JAG2: variants seen among roughly 807,000 people sequenced by gnomAD.
The protein encoded by JAG2 is protein jagged-2.
JAG2 carries 46 observed loss-of-function variants against 141.7 expected under a neutral mutation model. The ratio of observed to expected loss-of-function variants is 0.32; its 90% CI spans 0.26 to 0.42. JAG2 has a LOEUF of 0.42. Ranked by LOEUF, JAG2 falls within the 10% of genes least tolerant of loss-of-function variation. The probability of loss-of-function intolerance (pLI) is 1.00; values close to 1 mark genes in which losing one functional copy is unlikely to be tolerated. For synonymous variants in JAG2, 862 were observed against 763.5 expected (o/e 1.13, Z -2.13); for missense variants, 1,500 against 1,817.5 (o/e 0.83, Z 3.18).
At chr14:105,143,371 G>A (rs1322708648) in intron 25 of JAG2, 111 bp downstream of exon 25, 2 of 1,379,600 alleles carry the variant, frequency 1.4e-6, no homozygotes, top group Non-Finnish European at 2.0e-6. Flanking sequence ...CAGGTGCCAG[G>A]GACTTCTGTG....
At chr14:105,144,909 T>C (rs1415401500) in intron 24 of JAG2, 21 bp downstream of exon 24, 2 of 1,595,908 alleles carry the variant, frequency 1.3e-6, no homozygotes, top group African/African-American at 2.7e-5. Context: ...ACCCAGGTGC[T>C]GCTCCCCACT....
rs918759122 is a variant in JAG2 at position 105,154,798 on chromosome 14, C to T, written c.788+764G>A. Among the ~76,000 whole-genome samples, 3 of 152,214 alleles carry T rather than the reference C, an allele frequency of 2.0e-5. No individual in the cohort carries two copies. The South Asian group carries it at 6.2e-4, about 32-fold the overall frequency. ...GCATCGCCTCTCCACATCCAGCTAA[C>T]CCCGGCCCCGCCTGCTCCTCTGTGG... On this transcript the variant is annotated intron_variant, in intron 5 of 25. Coordinates refer to ENST00000331782, the MANE Select transcript of JAG2 (RefSeq NM_002226.5). This position sits in a 1 kb window ranked among gnomAD's most constrained non-coding sequence, Gnocchi z 4.4.
At chr14:105,158,986 G>A (rs901611899) in intron 2 of JAG2, among the ~76,000 whole-genome samples, 2 of 151,474 alleles carry the variant, frequency 1.3e-5, no homozygotes, top group South Asian at 2.1e-4. Flanking sequence ...CCCACCCCAC[G>A]CACGTCCCAG....
chr14:105,149,637 C>T (rs1888350036), intron 12 of JAG2, among the ~76,000 whole-genome samples: 5 of 151,330 alleles, frequency 3.3e-5, no homozygotes, highest in Admixed American at 3.3e-4. Context: ...ACTGCCTGGC[C>T]ACCCTCAGAG....
Position 105,144,915 on chromosome 14 carries a change from C to T in JAG2, c.3084+15G>A, listed in dbSNP as rs772398669. 8.8e-6 allele frequency: 14 copies of T among 1,597,148 alleles called. No individual in the cohort carries two copies. In the South Asian group the frequency reaches 1.4e-4, roughly 17 times the overall value. On this transcript the variant is annotated intron_variant, in intron 24 of 25. Transcript: ENST00000331782. ...CCAGGGCCCACCCAGGTGCTGCTCC[C>T]CACTGGGCACTCACCACGGCCACCT...
chr14:105,153,908 G>A (rs142439982), intron 5 of JAG2, among the ~76,000 whole-genome samples: 5 of 152,034 alleles, frequency 3.3e-5, no homozygotes, highest in African/African-American at 9.7e-5. Context: ...GAGTGGGGCC[G>A]ACTCCCGTAG....
intron 2 of JAG2, among the ~76,000 whole-genome samples, chr14:105,163,876 C>G (rs1231339600): frequency 6.6e-6 from 1 of 152,114 alleles, no homozygotes; most frequent in African/African-American, 2.4e-5. Context: ...CCGCTCAGGC[C>G]TGGGGTCTGG....
intron 8 of JAG2, 37 bp downstream of exon 8, chr14:105,151,589 C>A: frequency 6.6e-7 from 1 of 1,523,398 alleles, no homozygotes; most frequent in Non-Finnish European, 9.0e-7. Context: ...CCCACTGATA[C>A]TAGGCAGGAG....
intron 15 of JAG2, 93 bp from the exon 16 acceptor site, chr14:105,148,532 G>A (rs1157242673): frequency 2.1e-6 from 2 of 970,864 alleles, no homozygotes; most frequent in Admixed American, 2.1e-5. Context: ...GGCCAGGTGA[G>A]GACAGAGAGG....
chr14:105,162,654 G>A (rs587615427), intron 2 of JAG2, among the ~76,000 whole-genome samples: 34 of 145,370 alleles, frequency 2.3e-4, no homozygotes, highest in African/African-American at 7.9e-4. Flanking sequence ...AAGGTCCAGG[G>A]CACCTTAAAG....
At chr14:105,164,134 C>T (rs61999508) in intron 2 of JAG2, among the ~76,000 whole-genome samples, 27,550 of 147,768 alleles carry the variant, frequency 0.19, 3,242 homozygotes, top group Non-Finnish European at 0.27. Context: ...TATCGTGCTG[C>T]GGCTTTGACC....
rs1888322153 is a variant in JAG2, at chr14:105,149,002, C to G, written c.1841G>C (p.Ser614Thr). Residue 614 changes from serine to threonine, a missense_variant, in exon 14 of 26, where the codon AGC becomes ACC. By Grantham distance (58) the Ser-to-Thr change is moderately conservative. Transcript: ENST00000331782. ...GVCGPHGRCVSQPGGNFSCIC... is the reference protein window; with the variant it reads ...GVCGPHGRCVTQPGGNFSCIC... Reference sequence around the variant, plus strand: ...GCAGGAAAAGTTGCCCCCTGGCTGGCTGACGCAGCGTCCATGGGGGCCACA... The same window carrying G: ...GCAGGAAAAGTTGCCCCCTGGCTGGGTGACGCAGCGTCCATGGGGGCCACA... The G allele has an allele frequency of 2.5e-6, 4 of 1,606,708 alleles. No individual in the cohort carries two copies. The highest frequency in any genetic ancestry group is 3.4e-6 in the Non-Finnish European group (4 of 1,177,412).
rs1471987814 is a variant in JAG2 at position 105,148,130 on chromosome 14, C to T, written c.2234G>A (p.Ser745Asn). The T allele has an allele frequency of 1.9e-6, 3 of 1,548,638 alleles. No individual in the cohort carries two copies. Among genetic ancestry groups the T allele is most frequent in the Non-Finnish European group, 2.6e-6 (3 of 1,146,126 alleles). The change falls in exon 17 of 26, where the codon AGC becomes AAC. Residue 745 changes from serine to asparagine, a missense_variant. This residue lies in a region of JAG2 where 875 missense variants were observed against 1,202.2 expected (regional missense o/e 0.73). Transcript: ENST00000331782. ...RCACPPGWKGSTCAVAKNSSC... is the reference protein window; with the variant it reads ...RCACPPGWKGNTCAVAKNSSC... ...GGGCTCCTCACCGACGGCGCAGGTG[C>T]TGCCCTTCCAGCCGGGGGGGCAGGC...
At chr14:105,148,253 C>T (rs587757250) in intron 16 of JAG2, 24 bp from the exon 17 acceptor site, 1 of 1,570,616 alleles carries the variant, frequency 6.4e-7, no homozygotes, top group African/African-American at 1.4e-5. Flanking sequence ...GGCCGCTCAG[C>T]AGGCAGGCCC....
rs1888512615 is a variant in JAG2, at chr14:105,154,065, G to A, written c.788+1497C>T. On this transcript the variant is annotated intron_variant, in intron 5 of 25. Coordinates refer to ENST00000331782, the MANE Select transcript of JAG2 (RefSeq NM_002226.5). The surrounding 1 kb of genome is among the most constrained non-coding windows in gnomAD (Gnocchi z 4.4). ...CTGCTTGCCTCCCCGCTCTGGGACT[G>A]GCCGGGAAAGCTCCTCACTGTACCC... is the stretch of plus-strand genomic sequence containing the variant. 6.6e-6 allele frequency among the ~76,000 whole-genome samples: 1 copy of A among 152,054 alleles called. No individual in the cohort carries two copies. Among genetic ancestry groups the A allele is most frequent in the Non-Finnish European group, 1.5e-5 (1 of 68,000 alleles).
rs1056207952 is a variant in JAG2 at position 105,142,410 on chromosome 14, C to T, written c.*285G>A. The T allele has an allele frequency of 8.3e-5, 34 of 411,806 alleles. No individual in the cohort carries two copies. Among genetic ancestry groups the T allele is most frequent in the Non-Finnish European group, 1.3e-4 (29 of 228,374 alleles). The allele number at this position is 411,806 out of a possible 1,614,324, so 25.5% of individuals were successfully genotyped here. ...GGTAACAAACGCTACGATTTGGTGA[C>T]GACGCAGACACCCTTTGCTCTCTCC... On this transcript the variant is annotated 3_prime_UTR_variant, in exon 26 of 26. Coordinates refer to ENST00000331782, the MANE Select transcript of JAG2 (RefSeq NM_002226.5).
intron 2 of JAG2, among the ~76,000 whole-genome samples, chr14:105,158,202 G>A (rs919231818): frequency 2.0e-5 from 3 of 152,158 alleles, no homozygotes; most frequent in Non-Finnish European, 2.9e-5. Flanking sequence ...GGGTGACCAC[G>A]GGGGAGAACG....
At chr14:105,144,348 C>T (rs1014731458) in intron 24 of JAG2, among the ~76,000 whole-genome samples, 4 of 152,156 alleles carry the variant, frequency 2.6e-5, no homozygotes, top group African/African-American at 9.7e-5. Flanking sequence ...CAGCACCCAT[C>T]CATGTCCCCC....
Position 105,148,316 on chromosome 14 carries a change from G to A in JAG2, c.2134+10C>T, listed in dbSNP as rs1015029541. ...GCAGCCCCAGGCGGCCAGGGCCTGC[G>A]GACACTCACGTGAGTGGCAGGTCTT... On this transcript the variant is annotated intron_variant, in intron 16 of 25. Coordinates refer to ENST00000331782, the MANE Select transcript of JAG2 (RefSeq NM_002226.5). 4 of 1,606,632 alleles carry A rather than the reference G, an allele frequency of 2.5e-6. No individual in the cohort carries two copies. Among genetic ancestry groups the A allele is most frequent in the Admixed American group, 1.7e-5 (1 of 59,620 alleles).
Sources: gnomAD v4.1 joint callset for allele counts (sites outside exome capture counted in the v4.1 genomes callset) on GRCh38, gnomAD v4.1.1 for gene constraint, gnomAD v4.1.1 regional missense constraint, Gnocchi (gnomAD v3.1) non-coding constraint, MANE v1.5 for transcripts, NCBI Gene and HGNC (gene_info 2026-07-23, HGNC 2026-07-21) for gene names.